Variants in SSH2 observed in about 807,000 individuals in gnomAD.
SSH2 encodes protein phosphatase Slingshot homolog 2.
Under a neutral mutation model 135.2 loss-of-function variants are expected in SSH2, and 37 were observed. The observed-to-expected ratio is 0.27, with a 90% confidence interval of 0.21 to 0.36. SSH2 has a LOEUF of 0.36. Among genes scored for constraint, SSH2 ranks in the 10% least tolerant of loss-of-function variants. The pLI is 1.00. For missense variants in SSH2, 1,408 were observed against 1,765.3 expected (o/e 0.80, Z 3.63); for synonymous variants, 628 against 646.2 (o/e 0.97, Z 0.43).
chr17:29,844,742 G>A (rs997751563), intron 2 of SSH2, among the ~76,000 whole-genome samples: 8 of 152,206 alleles, frequency 5.3e-5, no homozygotes, highest in African/African-American at 1.9e-4. Context: ...GCAAGTAGCT[G>A]CTTCTATCTA....
intron 1 of SSH2, among the ~76,000 whole-genome samples, chr17:29,874,805 A>G (rs1297845394): frequency 1.3e-5 from 2 of 152,222 alleles, no homozygotes; most frequent in African/African-American, 4.8e-5. Flanking sequence ...AAGAACATGG[A>G]GATGCAGAAT....
At chr17:29,905,594 A>G (rs2066638735) in intron 1 of SSH2, among the ~76,000 whole-genome samples, 1 of 152,152 alleles carries the variant, frequency 6.6e-6, no homozygotes, top group Non-Finnish European at 1.5e-5. Context: ...GCTGTCCACA[A>G]CTGCTCAGAT....
chr17:29,924,124 G>A (rs537102982), intron 1 of SSH2, among the ~76,000 whole-genome samples: 1 of 152,090 alleles, frequency 6.6e-6, no homozygotes, highest in East Asian at 1.9e-4. Flanking sequence ...GTCATTTCTA[G>A]AGTTTATGAA....
intron 2 of SSH2, among the ~76,000 whole-genome samples, chr17:29,842,453 C>CA (rs372367860): frequency 0.023 from 2,707 of 117,660 alleles, 85 homozygotes; most frequent in African/African-American, 0.084. Context: ...GACTCAGTGT[C>CA]AAAAAAAAAA....
intron 1 of SSH2, among the ~76,000 whole-genome samples, chr17:29,899,031 C>T (rs890104548): frequency 6.6e-6 from 1 of 152,196 alleles, no homozygotes; most frequent in Non-Finnish European, 1.5e-5. Flanking sequence ...ACAAAAACCA[C>T]ACGATTATCT....
At position 29,630,593 on chromosome 17, in the gene SSH2, G is replaced by A. The variant is rs2035622746; in HGVS notation, c.*248C>T. ...TTTGATAAAGGTGTTCTCTGAAAATGACTTTTTTGAGGTTTGATTTTTTTA... is the reference window on the plus strand; with the variant it reads ...TTTGATAAAGGTGTTCTCTGAAAATAACTTTTTTGAGGTTTGATTTTTTTA... On this transcript the variant is annotated 3_prime_UTR_variant, in exon 16 of 16. Transcript: ENST00000540801. 3.2e-6 allele frequency: 1 copy of A among 310,036 alleles called. No individual in the cohort carries two copies. Among genetic ancestry groups the A allele is most frequent in the East Asian group, 5.3e-5 (1 of 18,776 alleles). 19.2% of individuals were successfully genotyped at this position (310,036 alleles called of 1,614,324 possible).
intron 2 of SSH2, among the ~76,000 whole-genome samples, chr17:29,847,780 A>T (rs2043157753): frequency 6.6e-6 from 1 of 152,188 alleles, no homozygotes. Flanking sequence ...GCTCATTAGC[A>T]TGGACACTCC....
intron 3 of SSH2, among the ~76,000 whole-genome samples, chr17:29,760,095 T>C (rs1364763073): frequency 6.6e-6 from 1 of 152,202 alleles, no homozygotes; most frequent in East Asian, 1.9e-4. Flanking sequence ...CGAGTTTAAT[T>C]CGATTTGGTA....
intron 2 of SSH2, among the ~76,000 whole-genome samples, chr17:29,808,388 C>G (rs934675744): frequency 1.3e-5 from 2 of 152,232 alleles, no homozygotes; most frequent in Non-Finnish European, 2.9e-5. Context: ...CTCGGCCTCC[C>G]AAAGTGCTGG....
chr17:29,683,977 T>C (rs2038098467), intron 6 of SSH2, among the ~76,000 whole-genome samples: 2 of 152,134 alleles, frequency 1.3e-5, no homozygotes, highest in South Asian at 2.1e-4. Context: ...CAGCTTTTTT[T>C]CCATGGAAAT....
chr17:29,748,524 GA>G (rs912949439), intron 3 of SSH2, among the ~76,000 whole-genome samples: 42 of 149,438 alleles, frequency 2.8e-4, no homozygotes, highest in African/African-American at 9.1e-4. Context: ...ACCAAAAAGA[GA>G]AAAAAAAAGC....
chr17:29,652,685 G>T (rs1053791220), intron 12 of SSH2, among the ~76,000 whole-genome samples: 1 of 151,814 alleles, frequency 6.6e-6, no homozygotes, highest in African/African-American at 2.4e-5. Context: ...CAAGATGGAG[G>T]CTTGCTCTGT....
intron 4 of SSH2, among the ~76,000 whole-genome samples, chr17:29,696,831 C>A (rs2038778250): frequency 1.3e-5 from 2 of 151,046 alleles, no homozygotes; most frequent in Non-Finnish European, 3.0e-5. Flanking sequence ...ATTACAGGCG[C>A]CTGCCACCAT....
At chr17:29,646,007 C>A (rs2036356159) in intron 14 of SSH2, among the ~76,000 whole-genome samples, 1 of 152,194 alleles carries the variant, frequency 6.6e-6, no homozygotes, top group Non-Finnish European at 1.5e-5. Flanking sequence ...ATAAGACTCA[C>A]TGGAGTCAAA....
intron 3 of SSH2, among the ~76,000 whole-genome samples, chr17:29,743,403 G>GCTA (rs1404265881): frequency 7.6e-6 from 1 of 131,670 alleles, no homozygotes; most frequent in Non-Finnish European, 1.7e-5. Context: ...TGAGGAAGAG[G>GCTA]CTAGATTTGT....
chr17:29,897,115 C>T (rs555991900), intron 1 of SSH2, among the ~76,000 whole-genome samples: 132 of 151,568 alleles, frequency 8.7e-4, no homozygotes, highest in African/African-American at 2.9e-3. Flanking sequence ...CTAAATAAAA[C>T]GAGCTCCTGA....
chr17:29,698,832 C>T (rs2038866847), intron 4 of SSH2, among the ~76,000 whole-genome samples: 1 of 152,096 alleles, frequency 6.6e-6, no homozygotes, highest in African/African-American at 2.4e-5. Flanking sequence ...TTCTGTCCTA[C>T]CAGTAGAAAT....
At chr17:29,832,943 AG>A (rs2042873992) in intron 2 of SSH2, among the ~76,000 whole-genome samples, 1 of 152,214 alleles carries the variant, frequency 6.6e-6, no homozygotes, top group Non-Finnish European at 1.5e-5. Flanking sequence ...CTGGGATTAC[AG>A]GTGTAAGCCA....
intron 1 of SSH2, among the ~76,000 whole-genome samples, chr17:29,874,572 C>T (rs954916533): frequency 1.3e-5 from 2 of 152,026 alleles, no homozygotes; most frequent in African/African-American, 2.4e-5. Flanking sequence ...TTGCTTGGTA[C>T]TTCTCCTTCC....
Sources: allele counts gnomAD v4.1 joint callset (sites outside exome capture counted in the v4.1 genomes callset), GRCh38; gene constraint gnomAD v4.1.1; transcripts MANE v1.5; gene names NCBI Gene and HGNC (gene_info 2026-07-23, HGNC 2026-07-21).